Variants in GRM5 observed in about 807,000 individuals in gnomAD.
The protein encoded by GRM5 is glutamate metabotropic receptor 5, also known as metabotropic glutamate receptor 5.
A neutral mutation model predicts 83.1 loss-of-function variants in GRM5; 19 were observed. The ratio of observed to expected loss-of-function variants is 0.23; its 90% CI spans 0.16 to 0.34. The LOEUF (loss-of-function observed/expected upper bound fraction) is 0.34. Among genes scored for constraint, GRM5 ranks in the 10% least tolerant of loss-of-function variants. GRM5 has a pLI of 1.00. For missense variants in GRM5, 1,160 were observed against 1,588.3 expected (o/e 0.73, Z 4.58); for synonymous variants, 675 against 633.6 (o/e 1.07, Z -0.98).
intron 3 of GRM5, among the ~76,000 whole-genome samples, chr11:88,683,342 T>C (rs931103933): frequency 1.3e-5 from 2 of 152,234 alleles, no homozygotes; most frequent in African/African-American, 4.8e-5. Flanking sequence ...ATTCCCACTA[T>C]GCTGTCACCA....
At chr11:88,919,726 T>C (rs1256219156) in intron 2 of GRM5, among the ~76,000 whole-genome samples, 1 of 151,948 alleles carries the variant, frequency 6.6e-6, no homozygotes, top group Non-Finnish European at 1.5e-5. Context: ...AGAATAATAT[T>C]AAATAGCAAT....
intron 8 of GRM5, among the ~76,000 whole-genome samples, chr11:88,536,325 T>C (rs193147853): frequency 3.1e-4 from 47 of 152,118 alleles, no homozygotes; most frequent in South Asian, 1.2e-3. Context: ...TGCTTATTCC[T>C]TATTAGTCAG....
chr11:88,705,535 G>A (rs895794723), intron 3 of GRM5, among the ~76,000 whole-genome samples: 1 of 151,928 alleles, frequency 6.6e-6, no homozygotes. Flanking sequence ...CTATAGCATG[G>A]TGAAGGTGAA....
At chr11:88,535,352 ACACTGG>A (rs1242043259) in intron 8 of GRM5, among the ~76,000 whole-genome samples, 21 of 152,208 alleles carry the variant, frequency 1.4e-4, no homozygotes, top group African/African-American at 5.1e-4. Flanking sequence ...TATTAATAAA[ACACTGG>A]AAAACATAGT....
intron 1 of GRM5, among the ~76,000 whole-genome samples, chr11:89,050,166 G>A (rs530221726): frequency 6.6e-6 from 1 of 152,194 alleles, no homozygotes; most frequent in Admixed American, 6.5e-5. Flanking sequence ...AAAACACTAA[G>A]ATATTGCCTT....
At chr11:88,621,654 T>G (rs1938637907) in intron 4 of GRM5, among the ~76,000 whole-genome samples, 1 of 152,210 alleles carries the variant, frequency 6.6e-6, no homozygotes, top group Non-Finnish European at 1.5e-5. Context: ...ATTTGAGAAT[T>G]ACTGTGCTTA....
chr11:89,060,148 C>T (rs1941959188), intron 1 of GRM5, among the ~76,000 whole-genome samples: 2 of 151,928 alleles, frequency 1.3e-5, no homozygotes, highest in African/African-American at 4.8e-5. Flanking sequence ...CAGAGTAAAG[C>T]AGCTCAAAAC....
At chr11:88,736,015 C>T (rs941134075) in intron 3 of GRM5, among the ~76,000 whole-genome samples, 6 of 152,172 alleles carry the variant, frequency 3.9e-5, no homozygotes, top group Admixed American at 2.0e-4. Context: ...TGAGCACTCT[C>T]GAAGTTAGAC....
intron 3 of GRM5, among the ~76,000 whole-genome samples, chr11:88,689,514 G>C (rs146589902): frequency 6.6e-6 from 1 of 152,196 alleles, no homozygotes; most frequent in Non-Finnish European, 1.5e-5. Flanking sequence ...TTCTGGGCTC[G>C]TGTGGTTTTG....
At chr11:88,691,419 CCTT>C (rs1383595177) in intron 3 of GRM5, among the ~76,000 whole-genome samples, 1 of 152,036 alleles carries the variant, frequency 6.6e-6, no homozygotes, top group African/African-American at 2.4e-5. Context: ...CTTAAAGTGA[CCTT>C]CTTATTAAAA....
intron 2 of GRM5, among the ~76,000 whole-genome samples, chr11:88,881,271 T>C (rs1232109074): frequency 6.6e-6 from 1 of 151,962 alleles, no homozygotes; most frequent in African/African-American, 2.4e-5. Flanking sequence ...ACTGTCATAA[T>C]GATTTTAAAC....
At chr11:88,865,999 C>T (rs527350208) in intron 2 of GRM5, among the ~76,000 whole-genome samples, 7 of 152,104 alleles carry the variant, frequency 4.6e-5, no homozygotes, top group South Asian at 2.1e-4. Flanking sequence ...GACAGTGTGG[C>T]GATTCCTCAA....
At chr11:88,713,248 T>C (rs1391877) in intron 3 of GRM5, among the ~76,000 whole-genome samples, 4,319 of 152,104 alleles carry the variant, frequency 0.028, 216 homozygotes, top group African/African-American at 0.099. Flanking sequence ...TTAATAAAAT[T>C]TGCTGTTTCC....
chr11:88,638,131 A>G (rs774077810), intron 4 of GRM5, among the ~76,000 whole-genome samples: 12 of 132,448 alleles, frequency 9.1e-5, no homozygotes, highest in Non-Finnish European at 1.5e-4. Flanking sequence ...CAGGAAGGGG[A>G]ACATCACACT....
chr11:88,745,201 T>TC (rs1565211255), intron 3 of GRM5, among the ~76,000 whole-genome samples: 2 of 143,874 alleles, frequency 1.4e-5, no homozygotes, highest in African/African-American at 5.7e-5. Context: ...TATTTTTCTT[T>TC]TTTTTTTTTT....
At chr11:89,026,275 C>G (rs1200889522) in intron 2 of GRM5, among the ~76,000 whole-genome samples, 1 of 152,108 alleles carries the variant, frequency 6.6e-6, no homozygotes. Flanking sequence ...ACAATTTACC[C>G]ATGTAACAAA....
At chr11:88,987,139 T>C (rs755368858) in intron 2 of GRM5, among the ~76,000 whole-genome samples, 66 of 151,920 alleles carry the variant, frequency 4.3e-4, no homozygotes, top group Non-Finnish European at 8.7e-4. Flanking sequence ...TGGGCGCAGG[T>C]CAGTGGGTGC....
chr11:88,681,418 C>A (rs770947663), intron 3 of GRM5, among the ~76,000 whole-genome samples: 1 of 151,726 alleles, frequency 6.6e-6, no homozygotes, highest in African/African-American at 2.4e-5. Context: ...TCTCTTGAAC[C>A]CTTTCTTTTT....
At chr11:88,755,588 T>G (rs562160352) in intron 3 of GRM5, among the ~76,000 whole-genome samples, 2 of 152,270 alleles carry the variant, frequency 1.3e-5, no homozygotes, top group Admixed American at 6.5e-5. Context: ...TATCCACCCC[T>G]GCTAAGACAA....
Sources: allele counts gnomAD v4.1 joint callset (sites outside exome capture counted in the v4.1 genomes callset), GRCh38; gene constraint gnomAD v4.1.1; transcripts MANE v1.5; gene names NCBI Gene and HGNC (gene_info 2026-07-23, HGNC 2026-07-21).